DLG2: variants seen among roughly 807,000 people sequenced by gnomAD.
DLG2 encodes discs large MAGUK scaffold protein 2, also known as disks large homolog 2.
Under a neutral mutation model 132.5 loss-of-function variants are expected in DLG2, and 45 were observed. That is an observed-to-expected ratio of 0.34 (90% confidence interval 0.27 to 0.44). The LOEUF (loss-of-function observed/expected upper bound fraction) is 0.44. DLG2 is among the 20% of genes least tolerant of loss of function. The pLI, the probability that DLG2 is intolerant of heterozygous loss-of-function variation, is 1.00. For synonymous variants in DLG2, 424 were observed against 419.6 expected, an observed-to-expected ratio of 1.01 and a Z score of -0.13; for missense variants, 1,045 against 1,196.9, an observed-to-expected ratio of 0.87 and a Z score of 1.87.
chr11:85,539,771 C>T (rs1049556948), intron 3 of DLG2, among the ~76,000 whole-genome samples: 2 of 152,084 alleles, frequency 1.3e-5, no homozygotes, highest in Admixed American at 6.5e-5. Context: ...AAGAGTTTGA[C>T]GTGTCTGTAG....
At chr11:84,597,479 GA>G (rs1352317359) in intron 6 of DLG2, among the ~76,000 whole-genome samples, 2 of 152,100 alleles carry the variant, frequency 1.3e-5, no homozygotes, top group Non-Finnish European at 2.9e-5. Flanking sequence ...TTTTTAACAT[GA>G]GAACAATGAT....
At chr11:84,633,429 G>C (rs2099635465) in intron 6 of DLG2, among the ~76,000 whole-genome samples, 1 of 151,882 alleles carries the variant, frequency 6.6e-6, no homozygotes, top group South Asian at 2.1e-4. Context: ...CTGCAACACA[G>C]GTTTCTGGGG....
intron 6 of DLG2, among the ~76,000 whole-genome samples, chr11:84,807,723 G>T (rs1224874766): frequency 6.6e-6 from 1 of 152,070 alleles, no homozygotes; most frequent in East Asian, 1.9e-4. Context: ...ACCAGATAAA[G>T]TATACTTCAG....
intron 9 of DLG2, among the ~76,000 whole-genome samples, chr11:84,120,642 TA>T (rs2154200904): frequency 6.6e-6 from 1 of 152,282 alleles, no homozygotes; most frequent in South Asian, 2.1e-4. Flanking sequence ...AAAGATAAAA[TA>T]GGTTTCCTTC....
intron 6 of DLG2, among the ~76,000 whole-genome samples, chr11:84,883,102 A>G (rs1310291692): frequency 6.6e-6 from 1 of 152,164 alleles, no homozygotes; most frequent in Non-Finnish European, 1.5e-5. Flanking sequence ...AATGTGGCAC[A>G]TATACATCAT....
intron 9 of DLG2, among the ~76,000 whole-genome samples, chr11:84,126,855 G>C (rs2094198227): frequency 6.6e-6 from 1 of 152,108 alleles, no homozygotes; most frequent in East Asian, 1.9e-4. Flanking sequence ...TGTCTGTCTA[G>C]TTAACTTTTG....
chr11:84,055,525 T>C (rs917364015), intron 11 of DLG2, among the ~76,000 whole-genome samples: 3 of 152,110 alleles, frequency 2.0e-5, no homozygotes, highest in Non-Finnish European at 2.9e-5. Context: ...TATCATTTCA[T>C]GTAATTAATT....
intron 8 of DLG2, among the ~76,000 whole-genome samples, chr11:84,178,597 C>G (rs2096034708): frequency 6.6e-6 from 1 of 152,134 alleles, no homozygotes; most frequent in Non-Finnish European, 1.5e-5. Context: ...CTGGCCCACT[C>G]ACAAATCCAT....
intron 21 of DLG2, among the ~76,000 whole-genome samples, chr11:83,495,917 A>T (rs2094125921): frequency 6.6e-6 from 1 of 152,206 alleles, no homozygotes; most frequent in Non-Finnish European, 1.5e-5. Flanking sequence ...AATTTGAGGT[A>T]GGCAAAGATT....
At chr11:84,713,152 A>C (rs550556228) in intron 6 of DLG2, among the ~76,000 whole-genome samples, 1 of 152,232 alleles carries the variant, frequency 6.6e-6, no homozygotes, top group South Asian at 2.1e-4. Context: ...AAAGGCACTT[A>C]AGCATAGAAT....
intron 18 of DLG2, chr11:83,646,619 T>C (rs1352302311): frequency 6.6e-6 from 1 of 152,446 alleles, no homozygotes; most frequent in Non-Finnish European, 1.5e-5. Flanking sequence ...GGATCTTTTC[T>C]GGTTCCTTCG....
At chr11:84,718,075 A>G (rs769925338) in intron 6 of DLG2, among the ~76,000 whole-genome samples, 1 of 151,870 alleles carries the variant, frequency 6.6e-6, no homozygotes, top group African/African-American at 2.4e-5. Context: ...AAGTCCCAAT[A>G]CTCTTTCCAT....
intron 4 of DLG2, among the ~76,000 whole-genome samples, chr11:85,209,007 T>G (rs1341577018): frequency 6.6e-6 from 1 of 152,162 alleles, no homozygotes; most frequent in African/African-American, 2.4e-5. Context: ...ACTGGGTTCA[T>G]GCACTGATAA....
At chr11:84,768,549 A>G (rs543937849) in intron 6 of DLG2, among the ~76,000 whole-genome samples, 2 of 152,346 alleles carry the variant, frequency 1.3e-5, no homozygotes, top group South Asian at 4.1e-4. Flanking sequence ...CAAATACTTC[A>G]TAAAATAAAA....
intron 7 of DLG2, among the ~76,000 whole-genome samples, chr11:84,373,842 A>G (rs2098718802): frequency 6.6e-6 from 1 of 152,148 alleles, no homozygotes; most frequent in African/African-American, 2.4e-5. Flanking sequence ...TACTTTCACT[A>G]AATTTCTAAT....
At chr11:84,373,265 C>CAAAACAAAAAAAAAAA (rs2098715539) in intron 7 of DLG2, among the ~76,000 whole-genome samples, 1 of 98,090 alleles carries the variant, frequency 1.0e-5, no homozygotes, top group Non-Finnish European at 1.8e-5. Flanking sequence ...AAAAAAAAAA[C>CAAAACAAAAAAAAAAA]AAAACAAAAA....
At chr11:84,571,250 TC>T (rs1047924390) in intron 6 of DLG2, among the ~76,000 whole-genome samples, 24 of 152,242 alleles carry the variant, frequency 1.6e-4, no homozygotes, top group African/African-American at 5.1e-4. Context: ...TCTTCTTTTT[TC>T]CCATCTCCTC....
chr11:83,558,472 G>A (rs2096556546), intron 19 of DLG2, among the ~76,000 whole-genome samples: 1 of 152,040 alleles, frequency 6.6e-6, no homozygotes, highest in Admixed American at 6.6e-5. Context: ...AAGTGAGGAA[G>A]GAAACTAACT....
intron 3 of DLG2, among the ~76,000 whole-genome samples, chr11:85,472,853 C>G (rs1403837605): frequency 6.6e-6 from 1 of 152,194 alleles, no homozygotes; most frequent in Non-Finnish European, 1.5e-5. Flanking sequence ...TGAGCTGTAA[C>G]ACAAACTAAC....
Sources: gnomAD v4.1 joint callset for allele counts (sites outside exome capture counted in the v4.1 genomes callset) on GRCh38, gnomAD v4.1.1 for gene constraint, MANE v1.5 for transcripts, NCBI Gene and HGNC (gene_info 2026-07-23, HGNC 2026-07-21) for gene names.